TCF4: variants seen among roughly 807,000 people sequenced by gnomAD.
The protein encoded by TCF4 is SL3-3 enhancer factor 2.
Under a neutral mutation model 82.1 loss-of-function variants are expected in TCF4, and 3 were observed. The ratio of observed to expected loss-of-function variants is 0.04; its 90% confidence interval spans 0.02 to 0.09. TCF4 has a LOEUF of 0.09. TCF4 is among the 10% of genes least tolerant of loss of function. The probability of loss-of-function intolerance (pLI) is 1.00; values close to 1 mark genes in which losing one functional copy is unlikely to be tolerated. For missense variants in TCF4, 518 were observed against 852.7 expected (o/e 0.61, Z 4.89); for synonymous variants, 276 against 309.6 (o/e 0.89, Z 1.14).
chr18:55,290,466 T>C (rs1458631267), intron 8 of TCF4, among the ~76,000 whole-genome samples: 1 of 152,202 alleles, frequency 6.6e-6, no homozygotes, highest in East Asian at 1.9e-4. Flanking sequence ...TTCAGGGCAA[T>C]GAGGTCTCAG....
At chr18:55,310,872 T>G (rs2072155156) in intron 8 of TCF4, among the ~76,000 whole-genome samples, 1 of 152,174 alleles carries the variant, frequency 6.6e-6, no homozygotes, top group South Asian at 2.1e-4. Flanking sequence ...TCATTTAGGA[T>G]GATTCAAGAC....
chr18:55,604,662 C>A (rs1346621602), intron 2 of TCF4, among the ~76,000 whole-genome samples: 1 of 152,190 alleles, frequency 6.6e-6, no homozygotes, highest in Non-Finnish European at 1.5e-5. Context: ...ACCTCCACAT[C>A]TCAAGTAATG....
chr18:55,488,694 C>T (rs1329420608), intron 3 of TCF4, among the ~76,000 whole-genome samples: 1 of 152,150 alleles, frequency 6.6e-6, no homozygotes, highest in African/African-American at 2.4e-5. Context: ...GTTCAAACAG[C>T]CATCACCAAG....
intron 3 of TCF4, chr18:55,551,531 C>G (rs2097260421): frequency 1.3e-5 from 2 of 152,550 alleles, no homozygotes; most frequent in Admixed American, 6.5e-5. Flanking sequence ...CGAGCCTCTT[C>G]AGCACCACCC....
intron 3 of TCF4, among the ~76,000 whole-genome samples, chr18:55,506,365 C>T (rs925424422): frequency 1.3e-5 from 2 of 152,218 alleles, no homozygotes; most frequent in African/African-American, 4.8e-5. Context: ...GAGGCTGCTA[C>T]TTCCCAGTTC....
chr18:55,402,601 A>C (rs1258978495), intron 6 of TCF4, among the ~76,000 whole-genome samples: 2 of 152,150 alleles, frequency 1.3e-5, no homozygotes, highest in African/African-American at 2.4e-5. Context: ...AAAGTAAGAA[A>C]CCAATGCACT....
chr18:55,477,722 G>C lies in TCF4; in HGVS notation c.146-13585C>G, dbSNP rs2096325517. ...GCTGCTTCCCTTACTTTCACTTTCA[G>C]GTTCTATAAAACATGTTCACTACTG... On this transcript the variant is annotated intron_variant, in intron 3 of 19. Transcript: ENST00000354452. 1.3e-5 allele frequency among the ~76,000 whole-genome samples: 2 copies of C among 152,126 alleles called. 1 individual carries two copies. The highest frequency in any genetic ancestry group is 3.8e-4 in the East Asian group (2 of 5,196).
intron 15 of TCF4, 103 bp downstream of exon 15, chr18:55,254,394 A>G: frequency 4.6e-6 from 5 of 1,098,516 alleles, no homozygotes; most frequent in African/African-American, 1.6e-5. Flanking sequence ...AGTGAATTAT[A>G]TCTCAATAAA....
At chr18:55,482,706 C>T (rs984988337) in intron 3 of TCF4, 5 of 152,192 alleles carry the variant, frequency 3.3e-5, no homozygotes, top group African/African-American at 9.7e-5. Flanking sequence ...CTCACGCCCT[C>T]GTGTTCTCTC....
At chr18:55,318,322 T>C (rs1334048749) in intron 8 of TCF4, among the ~76,000 whole-genome samples, 3 of 152,064 alleles carry the variant, frequency 2.0e-5, no homozygotes, top group Non-Finnish European at 4.4e-5. Context: ...ATACTTCTTA[T>C]AGCCTTAATA....
intron 5 of TCF4, among the ~76,000 whole-genome samples, chr18:55,421,183 C>A (rs1033648409): frequency 2.0e-5 from 3 of 152,254 alleles, no homozygotes; most frequent in Middle Eastern, 3.4e-3. Context: ...GACATGGACA[C>A]ACACACATTT....
chr18:55,277,435 A>T (rs1047527881), intron 9 of TCF4, among the ~76,000 whole-genome samples: 6 of 152,174 alleles, frequency 3.9e-5, no homozygotes, highest in African/African-American at 1.4e-4. Flanking sequence ...AACACAGAGT[A>T]CTCTGCTTGA....
intron 3 of TCF4, among the ~76,000 whole-genome samples, chr18:55,475,020 C>A (rs1261952873): frequency 2.0e-5 from 3 of 152,134 alleles, no homozygotes; most frequent in African/African-American, 7.2e-5. Context: ...TCCTTTTGCA[C>A]CTTAGTACTT....
chr18:55,496,896 CAAAA>C (rs60244407), intron 3 of TCF4, among the ~76,000 whole-genome samples: 1 of 108,706 alleles, frequency 9.2e-6, no homozygotes, highest in Non-Finnish European at 1.9e-5. Context: ...TGTAAAATTA[CAAAA>C]AAAAAAAAAA....
chr18:55,596,607 A>G (rs1337586191), intron 2 of TCF4, among the ~76,000 whole-genome samples: 1 of 152,204 alleles, frequency 6.6e-6, no homozygotes. Flanking sequence ...TGGAACCTTT[A>G]GAATCGTGCA....
chr18:55,631,073 A>G (rs2097731100), intron 2 of TCF4, among the ~76,000 whole-genome samples: 1 of 144,914 alleles, frequency 6.9e-6, no homozygotes, highest in South Asian at 2.2e-4. Flanking sequence ...TTTTTGAAAT[A>G]GAATCTCACT....
chr18:55,589,278 C>T (rs891053949), upstream of TCF4: 1 of 1,050,592 alleles, frequency 9.5e-7, no homozygotes, highest in African/African-American at 1.7e-5. Context: ...TTTACTCTGA[C>T]GGCAAATTGA....
At chr18:55,454,386 T>C (rs2095691374) in intron 5 of TCF4, among the ~76,000 whole-genome samples, 1 of 152,244 alleles carries the variant, frequency 6.6e-6, no homozygotes, top group East Asian at 1.9e-4. Flanking sequence ...CTAACTTTAA[T>C]GTATGGGCTT....
At chr18:55,587,730 G>T (rs973105108) in intron 1 of TCF4, among the ~76,000 whole-genome samples, 4 of 151,746 alleles carry the variant, frequency 2.6e-5, no homozygotes, top group Non-Finnish European at 5.9e-5. Flanking sequence ...TGGGGGGAGC[G>T]GAGTGGAGGG....
Sources: gnomAD v4.1 joint callset for allele counts (sites outside exome capture counted in the v4.1 genomes callset) on GRCh38, gnomAD v4.1.1 for gene constraint, MANE v1.5 for transcripts, NCBI Gene and HGNC (gene_info 2026-07-23, HGNC 2026-07-21) for gene names.